SLC25A17: variants seen among roughly 807,000 people sequenced by gnomAD.
SLC25A17 encodes peroxisomal membrane protein PMP34.
SLC25A17 carries 26 observed loss-of-function variants against 38.5 expected under a neutral mutation model. The ratio of observed to expected loss-of-function variants is 0.68; its 90% CI spans 0.50 to 0.94. The LOEUF (loss-of-function observed/expected upper bound fraction) is 0.94, where lower values mean the gene tolerates loss of function less well. SLC25A17 is among the 40% of genes least tolerant of loss of function. The pLI is 0.00. For synonymous variants in SLC25A17, 139 were observed against 136.2 expected (o/e 1.02, Z -0.14); for missense variants, 333 against 372.7 (o/e 0.89, Z 0.88).
intron 2 of SLC25A17, among the ~76,000 whole-genome samples, chr22:40,797,629 A>G (rs2057442241): frequency 6.6e-6 from 1 of 152,252 alleles, no homozygotes; most frequent in Non-Finnish European, 1.5e-5. Context: ...TCATCCAGGA[A>G]TGACTCTCTG....
intron 4 of SLC25A17, chr22:40,788,896 G>A (rs1602602188): frequency 3.8e-6 from 1 of 264,044 alleles, no homozygotes; most frequent in Non-Finnish European, 7.9e-6. Flanking sequence ...TTGAATTGCT[G>A]AAATAAGTGA....
chr22:40,813,798 G>A (rs1350091561), intron 1 of SLC25A17: 1 of 152,382 alleles, frequency 6.6e-6, no homozygotes, highest in Admixed American at 6.5e-5. Flanking sequence ...ACAATTGTTG[G>A]TTTCTACATG....
chr22:40,785,195 C>A (rs746957979), intron 4 of SLC25A17, among the ~76,000 whole-genome samples: 1 of 152,142 alleles, frequency 6.6e-6, no homozygotes, highest in Non-Finnish European at 1.5e-5. Flanking sequence ...ATCAGCCTGG[C>A]CAACAGAGTG....
At chr22:40,796,268 C>T (rs1054603514) in intron 2 of SLC25A17, among the ~76,000 whole-genome samples, 1 of 152,136 alleles carries the variant, frequency 6.6e-6, no homozygotes, top group Non-Finnish European at 1.5e-5. Flanking sequence ...ATAAAATATG[C>T]AAATTAACCA....
chr22:40,791,704 T>C (rs779715893), intron 4 of SLC25A17, among the ~76,000 whole-genome samples: 15 of 152,216 alleles, frequency 9.9e-5, no homozygotes, highest in Non-Finnish European at 1.8e-4. Flanking sequence ...TATCACCTCA[T>C]ACCCATTAGG....
At chr22:40,813,616 C>T (rs1317485064) in intron 1 of SLC25A17, among the ~76,000 whole-genome samples, 2 of 151,960 alleles carry the variant, frequency 1.3e-5, no homozygotes, top group Non-Finnish European at 2.9e-5. Context: ...CCCAGCTACT[C>T]GGAAGGCTGA....
In SLC25A17 at chr22:40,799,062, C is replaced by CT. The variant is rs1359387252; in HGVS notation, c.75dup (p.Val26SerfsTer9). 6.2e-7 allele frequency: 1 copy of CT among 1,613,582 alleles called. No homozygotes were observed. The highest frequency in any genetic ancestry group is 2.2e-5 in the East Asian group (1 of 44,886). ...CTAGCTGTATCCAGGGGAAAAAACACTGTCATTGCTGTCACGCTTCCCTGA... is the reference window on the plus strand; with the variant it reads ...CTAGCTGTATCCAGGGGAAAAAACACTTGTCATTGCTGTCACGCTTCCCTGA... On this transcript the variant is annotated frameshift_variant, in exon 2 of 9. Transcript: ENST00000435456. LOFTEE classifies it high-confidence loss of function.
intron 7 of SLC25A17, among the ~76,000 whole-genome samples, chr22:40,774,758 T>C (rs934373304): frequency 2.6e-5 from 4 of 152,212 alleles, no homozygotes; most frequent in Non-Finnish European, 5.9e-5. Context: ...TTTATAAGGA[T>C]GCTACTGAAT....
At chr22:40,814,823 GT>G (rs1186072048) in intron 1 of SLC25A17, among the ~76,000 whole-genome samples, 1 of 144,716 alleles carries the variant, frequency 6.9e-6, no homozygotes, top group East Asian at 2.1e-4. Flanking sequence ...TTTTGTTTTG[GT>G]TTTTTTTGTT....
intron 4 of SLC25A17, among the ~76,000 whole-genome samples, chr22:40,788,471 T>C (rs1280414976): frequency 6.6e-6 from 1 of 152,120 alleles, no homozygotes; most frequent in Non-Finnish European, 1.5e-5. Context: ...CGCAGACAGA[T>C]CACGAGGTCA....
At chr22:40,809,641 C>A (rs1257258432) in intron 1 of SLC25A17, among the ~76,000 whole-genome samples, 9 of 151,026 alleles carry the variant, frequency 6.0e-5, no homozygotes, top group African/African-American at 9.7e-5. Flanking sequence ...AAAAAAAAAA[C>A]CAAAAAACAA....
Position 40,777,359 on chromosome 22 carries a change from T to G in SLC25A17, c.466A>C (p.Ile156Leu). 1 of 1,613,402 alleles carries G rather than the reference T, an allele frequency of 6.2e-7. No individual in the cohort carries two copies. Among genetic ancestry groups the G allele is most frequent in the South Asian group, 1.1e-5 (1 of 91,014 alleles). ...GCCGAGATTCCTTCATCGCGAATGA[T>G]CTGATGAAAAGCATCTAAGCAAGAA... ...YKGIIDAFHQ[I>L]IRDEGISALW... The change falls in exon 6 of 9, where the codon ATC becomes CTC. Residue 156 changes from isoleucine (I) to leucine (L), a missense_variant. By Grantham distance (5) the Ile-to-Leu change is conservative. Coordinates refer to ENST00000435456, the MANE Select transcript of SLC25A17 (RefSeq NM_006358.4).
In SLC25A17 at chr22:40,810,381, CTT is replaced by C. The variant is rs571551260; in HGVS notation, c.54+8812_54+8813del. On this transcript the variant is annotated intron_variant, in intron 1 of 8. Coordinates refer to ENST00000435456, the MANE Select transcript of SLC25A17 (RefSeq NM_006358.4). Reference sequence around the variant, plus strand: ...TTTTTTTTTGAGACAGAGTTTCACTCTTGTTGCCCAGGCTGGAGTGCAATGGC... The same window carrying C: ...TTTTTTTTTGAGACAGAGTTTCACTCGTTGCCCAGGCTGGAGTGCAATGGC... Among the ~76,000 whole-genome samples, 19 of 142,986 alleles carry C rather than the reference CTT, an allele frequency of 1.3e-4. 1 individual carries two copies. The South Asian group carries it at 4.1e-3, about 31-fold the overall frequency. The allele number at this position is 142,986 out of a possible 152,430, so 93.8% of individuals were successfully genotyped here. A position where few individuals can be genotyped will look rare whatever the true frequency, so the allele number is the denominator to read the frequency against.
In SLC25A17 at chr22:40,799,122, A is replaced by G. The variant is rs1396341489; in HGVS notation, c.55-39T>C. On this transcript the variant is annotated intron_variant, in intron 1 of 8. Coordinates refer to ENST00000435456, the MANE Select transcript of SLC25A17 (RefSeq NM_006358.4). The stretch of plus-strand genomic sequence containing the variant: ...AAAAGGCCATTACAGCATCACAAAC[A>G]TAGTTTAAGTCACAACTTTTTTTTT... 1.9e-6 allele frequency: 3 copies of G among 1,552,608 alleles called. No individual in the cohort carries two copies. In the African/African-American group the frequency reaches 4.1e-5, roughly 21 times the overall value.
chr22:40,783,258 G>A (rs868639380), intron 4 of SLC25A17, among the ~76,000 whole-genome samples: 1 of 152,086 alleles, frequency 6.6e-6, no homozygotes, highest in Non-Finnish European at 1.5e-5. Flanking sequence ...ATATTTTGGG[G>A]TGGAAAATTA....
At chr22:40,810,791 C>A (rs2057573455) in intron 1 of SLC25A17, among the ~76,000 whole-genome samples, 1 of 152,168 alleles carries the variant, frequency 6.6e-6, no homozygotes, top group African/African-American at 2.4e-5. Context: ...CAATTAAATT[C>A]TTCTAGTTGT....
intron 1 of SLC25A17, among the ~76,000 whole-genome samples, chr22:40,815,194 A>G (rs2145714414): frequency 6.6e-6 from 1 of 152,234 alleles, no homozygotes; most frequent in East Asian, 1.9e-4. Flanking sequence ...CAGATTCCAG[A>G]TCAGATTGGT....
intron 1 of SLC25A17, among the ~76,000 whole-genome samples, chr22:40,805,390 T>C (rs184993479): frequency 6.6e-6 from 1 of 152,276 alleles, no homozygotes. Context: ...AGAAGAGTAG[T>C]TGGAATGCTG....
At chr22:40,792,080 C>T (rs756131538) in intron 4 of SLC25A17, among the ~76,000 whole-genome samples, 13 of 152,074 alleles carry the variant, frequency 8.5e-5, no homozygotes, top group Non-Finnish European at 1.6e-4. Context: ...ATGTCACATG[C>T]TGTATGGCAT....
Sources: allele counts gnomAD v4.1 joint callset (sites outside exome capture counted in the v4.1 genomes callset), GRCh38; gene constraint gnomAD v4.1.1; transcripts MANE v1.5; gene names NCBI Gene and HGNC (gene_info 2026-07-23, HGNC 2026-07-21).